EIF2AK4: variants seen among roughly 807,000 people sequenced by gnomAD.
EIF2AK4 encodes eIF-2-alpha kinase GCN2.
Under a neutral mutation model 211.1 loss-of-function variants are expected in EIF2AK4, and 139 were observed. The ratio of observed to expected loss-of-function variants is 0.66; its 90% confidence interval spans 0.57 to 0.76. The LOEUF (loss-of-function observed/expected upper bound fraction) is 0.76, where lower values mean the gene tolerates loss of function less well. Among genes scored for constraint, EIF2AK4 ranks in the 30% least tolerant of loss-of-function variants. The pLI is 0.00. For missense variants in EIF2AK4, 1,664 were observed against 2,043.8 expected, an observed-to-expected ratio of 0.81 and a Z score of 3.58; for synonymous variants, 710 against 751.3, an observed-to-expected ratio of 0.94 and a Z score of 0.90.
intron 30 of EIF2AK4, 147 bp from the exon 31 acceptor site, chr15:40,020,752 A>G: frequency 1.7e-6 from 1 of 596,350 alleles, no homozygotes; most frequent in Non-Finnish European, 2.6e-6. Context: ...TGTGTTTTGA[A>G]GCAAAGTCTT....
At position 39,961,772 on chromosome 15, in the gene EIF2AK4, T is replaced by C; in HGVS notation, c.744-12T>C. ...TGATTGTTCAAATGTATTGTTCAAATTTATTTTTAAGGCGAGAACGTCAGT... is the reference window on the plus strand; with the variant it reads ...TGATTGTTCAAATGTATTGTTCAAACTTATTTTTAAGGCGAGAACGTCAGT... On this transcript the variant is annotated splice_polypyrimidine_tract_variant and intron_variant, in intron 6 of 38. Coordinates refer to ENST00000263791, the MANE Select transcript of EIF2AK4 (RefSeq NM_001013703.4). The C allele has an allele frequency of 6.3e-7, 1 of 1,595,928 alleles. No homozygotes were observed. Among genetic ancestry groups the C allele is most frequent in the South Asian group, 1.1e-5 (1 of 89,432 alleles).
chr15:39,950,070 T>C (rs979067150), intron 4 of EIF2AK4, among the ~76,000 whole-genome samples: 3 of 152,126 alleles, frequency 2.0e-5, no homozygotes, highest in Non-Finnish European at 4.4e-5. Context: ...TCAACTTATC[T>C]AGAACTTACT....
rs1244769076 is a variant in EIF2AK4, at chr15:39,953,836, A to T, written c.514-68A>T. The T allele has an allele frequency of 1.5e-5, 22 of 1,458,334 alleles. No individual in the cohort carries two copies. The Admixed American group carries it at 3.0e-4, about 20-fold the overall frequency. 90.3% of individuals were successfully genotyped at this position (1,458,334 alleles called of 1,614,324 possible). A position where few individuals can be genotyped will look rare whatever the true frequency, so the allele number is the denominator to read the frequency against. Reference sequence around the variant, plus strand: ...ATTGAAAGTTAAAAGATTTTTCTGTAGTTCCATAATTTATATGTTGTATGG... The same window carrying T: ...ATTGAAAGTTAAAAGATTTTTCTGTTGTTCCATAATTTATATGTTGTATGG... On this transcript the variant is annotated intron_variant, in intron 4 of 38. Transcript: ENST00000263791.
At chr15:40,005,018 T>A (rs28515996) in intron 23 of EIF2AK4, among the ~76,000 whole-genome samples, 38,508 of 152,202 alleles carry the variant, frequency 0.25, 5,879 homozygotes, top group Non-Finnish European at 0.35. Flanking sequence ...AAAATTTGAA[T>A]TTACCATGTG....
chr15:40,017,501 C>CTTTT lies in EIF2AK4; in HGVS notation c.4065+260_4065+261insTTTT, dbSNP rs1363648720. Among the ~76,000 whole-genome samples, 42 of 26,058 alleles carry CTTTT rather than the reference C, an allele frequency of 1.6e-3. 2 individuals carry two copies. The highest frequency in any genetic ancestry group is 6.2e-3 in the African/African-American group (39 of 6,290). The allele number at this position is 26,058 out of a possible 152,430, so 17.1% of individuals were successfully genotyped here. ...GGCTCATGTACCCTTTACTCTGTTT[C>CTTTT]TATATATATATATATATATATATAT... On this transcript the variant is annotated intron_variant, in intron 29 of 38. Coordinates refer to ENST00000263791, the MANE Select transcript of EIF2AK4 (RefSeq NM_001013703.4).
At chr15:40,019,044 A>G (rs1449396925) in intron 29 of EIF2AK4, 49 bp from the exon 30 acceptor site, 5 of 1,370,936 alleles carry the variant, frequency 3.6e-6, no homozygotes, top group Non-Finnish European at 5.1e-6. Context: ...CCCCGTAATC[A>G]CAGTTTCTTT....
chr15:39,988,518 C>T (rs530818981), intron 15 of EIF2AK4, among the ~76,000 whole-genome samples: 1 of 152,206 alleles, frequency 6.6e-6, no homozygotes, highest in Admixed American at 6.5e-5. Flanking sequence ...TGGAACATAG[C>T]TATGCTCATT....
chr15:39,984,577 A>G (rs1235568427), intron 13 of EIF2AK4, among the ~76,000 whole-genome samples: 1 of 152,152 alleles, frequency 6.6e-6, no homozygotes, highest in Non-Finnish European at 1.5e-5. Flanking sequence ...CATCCCTTGT[A>G]AGTTGTATTC....
intron 31 of EIF2AK4, 122 bp downstream of exon 31, chr15:40,021,149 G>A: frequency 4.3e-6 from 5 of 1,157,056 alleles, no homozygotes; most frequent in Non-Finnish European, 5.8e-6. Flanking sequence ...TGCCTCCTGT[G>A]TTAGTTTCTG....
chr15:39,949,379 T>G, intron 4 of EIF2AK4, 111 bp downstream of exon 4: 1 of 1,460,340 alleles, frequency 6.8e-7, no homozygotes, highest in African/African-American at 1.4e-5. Context: ...TTGCTCAGCC[T>G]TTGATTCAAG....
In EIF2AK4 at chr15:40,006,815, C is replaced by T. The variant is rs2291623; in HGVS notation, c.3358-201C>T. On this transcript the variant is annotated intron_variant, in intron 23 of 38. Coordinates refer to ENST00000263791, the MANE Select transcript of EIF2AK4 (RefSeq NM_001013703.4). ...TGATGGTATGTCTAGCAGCGGAGTC[C>T]ACCACTGACCAAAACACTGAAGAAC... Among the ~76,000 whole-genome samples, 16,198 of 152,022 alleles carry T rather than the reference C, an allele frequency of 0.11. 1,649 individuals are homozygous for T. The highest frequency in any genetic ancestry group is 0.28 in the East Asian group (1,444 of 5,168).
chr15:39,945,435 A>G (rs747196598), intron 3 of EIF2AK4, among the ~76,000 whole-genome samples: 4 of 152,212 alleles, frequency 2.6e-5, no homozygotes, highest in Admixed American at 6.5e-5. Flanking sequence ...ACTCTCTTCA[A>G]TTCTGTGAAT....
Position 40,019,110 on chromosome 15 carries a change from G to A in EIF2AK4, c.4083G>A (p.Gly1361=), listed in dbSNP as rs2035349037. ...RYDLLIPQFR[G]PQALGPVPTA... ...CTCCACAGATTCCCCAGTTTAGAGG[G>A]CCACAAGCTCTGGGGCCAGTTCCCA... The change falls in exon 30 of 39, where the codon GGG becomes GGA. Residue 1361 remains glycine, a synonymous_variant. Coordinates refer to ENST00000263791, the MANE Select transcript of EIF2AK4 (RefSeq NM_001013703.4). 2 of 1,606,266 alleles carry A rather than the reference G, an allele frequency of 1.2e-6. No homozygotes were observed. Among genetic ancestry groups the A allele is most frequent in the Non-Finnish European group, 1.7e-6 (2 of 1,176,164 alleles).
At chr15:40,016,968 G>C in intron 28 of EIF2AK4, 140 bp from the exon 29 acceptor site, 1 of 1,147,786 alleles carries the variant, frequency 8.7e-7, no homozygotes, top group African/African-American at 1.5e-5. Context: ...AACAGACTTT[G>C]AGCTAGATCT....
At chr15:40,004,994 A>G (rs986535412) in intron 23 of EIF2AK4, among the ~76,000 whole-genome samples, 1 of 152,244 alleles carries the variant, frequency 6.6e-6, no homozygotes, top group African/African-American at 2.4e-5. Context: ...TCAGAAAAAA[A>G]AATTCCAACA....
intron 24 of EIF2AK4, among the ~76,000 whole-genome samples, chr15:40,007,466 C>T (rs1338035002): frequency 1.3e-5 from 2 of 152,142 alleles, no homozygotes; most frequent in South Asian, 2.1e-4. Flanking sequence ...CACAGGTAAC[C>T]GAACAAAAGC....
chr15:40,032,112 T>C, intron 35 of EIF2AK4, 57 bp from the exon 36 acceptor site: 1 of 1,368,944 alleles, frequency 7.3e-7, no homozygotes, highest in Non-Finnish European at 1.0e-6. Flanking sequence ...GGAAATAAGA[T>C]GGCAAGAAAG....
intron 13 of EIF2AK4, among the ~76,000 whole-genome samples, chr15:39,981,948 CAG>C (rs1216271616): frequency 1.2e-4 from 13 of 105,750 alleles, no homozygotes; most frequent in East Asian, 5.5e-4. Context: ...TTTTTTGAGA[CAG>C]AGTCTCACTC....
chr15:39,967,231 G>T, intron 8 of EIF2AK4, 113 bp from the exon 9 acceptor site: 11 of 1,278,218 alleles, frequency 8.6e-6, no homozygotes, highest in Non-Finnish European at 1.1e-5. Flanking sequence ...TTTGGTTTTG[G>T]TTTTGTTTTT....
Sources: allele counts gnomAD v4.1 joint callset (sites outside exome capture counted in the v4.1 genomes callset), GRCh38; gene constraint gnomAD v4.1.1; transcripts MANE v1.5; gene names NCBI Gene and HGNC (gene_info 2026-07-23, HGNC 2026-07-21).